The following ATP5MC2 variants were observed in gnomAD, a reference collection of about 807,000 sequenced individuals.
The protein encoded by ATP5MC2 is ATP synthase F(0) complex subunit C2, mitochondrial.
A neutral mutation model predicts 13.5 loss-of-function variants in ATP5MC2; 11 were observed. That is an observed-to-expected ratio of 0.81 (90% confidence interval 0.51 to 1.35). The LOEUF is 1.35. ATP5MC2 is among the 40% of genes most tolerant of loss of function. ATP5MC2 has a pLI of 0.00. For missense variants in ATP5MC2, 132 were observed against 175.0 expected, an observed-to-expected ratio of 0.75 and a Z score of 1.39; for synonymous variants, 64 against 69.7, an observed-to-expected ratio of 0.92 and a Z score of 0.41.
intron 3 of ATP5MC2, 111 bp downstream of exon 3, chr12:53,669,760 T>A: frequency 8.5e-7 from 1 of 1,173,204 alleles, no homozygotes; most frequent in Admixed American, 1.9e-5. Flanking sequence ...TGGCCATTCA[T>A]GAATTTTAGC....
intron 4 of ATP5MC2, 112 bp downstream of exon 4, chr12:53,669,036 C>CA (rs1945014268): frequency 1.5e-6 from 2 of 1,360,716 alleles, no homozygotes; most frequent in Non-Finnish European, 9.6e-7. Flanking sequence ...AACAAACAAA[C>CA]AACATGTAGC....
intron 2 of ATP5MC2, among the ~76,000 whole-genome samples, chr12:53,672,348 AG>A (rs1206773927): frequency 2.6e-5 from 4 of 152,006 alleles, no homozygotes; most frequent in African/African-American, 9.7e-5. Flanking sequence ...CAGCCTCCTG[AG>A]TAGCTGGGAT....
chr12:53,676,346 G>GCGGACTGCGGTTTGGTCTGTACCT, upstream of ATP5MC2: 1 of 1,157,344 alleles, frequency 8.6e-7, no homozygotes, highest in Non-Finnish European at 1.2e-6. Context: ...GGTCTGTACC[G>GCGGACTGCGGTTTGGTCTGTACCT]CGTTTGGGAT....
intron 2 of ATP5MC2, among the ~76,000 whole-genome samples, chr12:53,670,573 T>C (rs924501265): frequency 6.6e-6 from 1 of 152,114 alleles, no homozygotes; most frequent in Non-Finnish European, 1.5e-5. Flanking sequence ...CATTGCTAGC[T>C]TGGGAAAAGA....
chr12:53,667,991 AT>A (rs1944981158), intron 4 of ATP5MC2, among the ~76,000 whole-genome samples: 1 of 84,580 alleles, frequency 1.2e-5, no homozygotes. Context: ...ATATATATAT[AT>A]ATAAATTTTT....
At chr12:53,677,736 A>G (rs1945311497), upstream of ATP5MC2, among the ~76,000 whole-genome samples, 2 of 152,216 alleles carry the variant, frequency 1.3e-5, no homozygotes, top group Admixed American at 1.3e-4. Context: ...TACGTGGGAA[A>G]TGGAACTGGG....
At chr12:53,673,105 G>A (rs1945150637) in intron 1 of ATP5MC2, 1 of 155,564 alleles carries the variant, frequency 6.4e-6, no homozygotes, top group Admixed American at 6.4e-5. Context: ...CGGATCACGA[G>A]GTCAGGAGTT....
At chr12:53,674,299 A>G (rs1945201198) in intron 1 of ATP5MC2, among the ~76,000 whole-genome samples, 1 of 152,254 alleles carries the variant, frequency 6.6e-6, no homozygotes, top group South Asian at 2.1e-4. Flanking sequence ...AGCTATGATC[A>G]CGCCAGTTGT....
chr12:53,672,509 G>A, intron 2 of ATP5MC2, 67 bp downstream of exon 2: 1 of 1,468,982 alleles, frequency 6.8e-7, no homozygotes, highest in South Asian at 1.2e-5. Flanking sequence ...TGAAGAACAA[G>A]GTCTGATGGA....
intron 2 of ATP5MC2, chr12:53,670,392 G>T: frequency 3.0e-6 from 1 of 329,710 alleles, no homozygotes; most frequent in Non-Finnish European, 5.9e-6. Flanking sequence ...ACCATAGTCT[G>T]GCCTTCAATG....
chr12:53,669,018 A>C, intron 4 of ATP5MC2, 130 bp downstream of exon 4: 2 of 1,159,624 alleles, frequency 1.7e-6, no homozygotes, highest in Non-Finnish European at 2.2e-6. Context: ...ACTGTCTCAA[A>C]ACAAACAAAC....
intron 4 of ATP5MC2, 26 bp from the exon 5 acceptor site, chr12:53,665,454 T>G: frequency 3.2e-6 from 5 of 1,551,104 alleles, no homozygotes; most frequent in Non-Finnish European, 4.5e-6. Context: ...GAGAAAAGAC[T>G]GAATTTCTAG....
upstream of ATP5MC2, among the ~76,000 whole-genome samples, chr12:53,679,014 G>A (rs1057471715): frequency 4.6e-5 from 7 of 152,170 alleles, no homozygotes; most frequent in South Asian, 2.1e-4. Context: ...GGGGGCCACA[G>A]ACTCATTTTA....
chr12:53,667,952 C>CAT (rs71068162), intron 4 of ATP5MC2, among the ~76,000 whole-genome samples: 13,180 of 109,386 alleles, frequency 0.12, 1,539 homozygotes, highest in East Asian at 0.37. Flanking sequence ...CATACATACA[C>CAT]ACACATATAT....
Position 53,676,043 on chromosome 12 carries a change from A to C in ATP5MC2, c.-32+10T>G. ...CAGCGCACAGAGGGCTCTAGGTCCC[A>C]AGGCCTTACCTGCTCCCACTGCAGA... On this transcript the variant is annotated intron_variant, in intron 1 of 4. Coordinates refer to ENST00000394349, the MANE Select transcript of ATP5MC2 (RefSeq NM_005176.7). 1 of 1,613,176 alleles carries C rather than the reference A, an allele frequency of 6.2e-7. No homozygotes were observed. Among genetic ancestry groups the C allele is most frequent in the South Asian group, 1.1e-5 (1 of 91,020 alleles).
chr12:53,675,003 A>T (rs1945222926), intron 1 of ATP5MC2, among the ~76,000 whole-genome samples: 1 of 152,196 alleles, frequency 6.6e-6, no homozygotes, highest in South Asian at 2.1e-4. Flanking sequence ...AACATACATA[A>T]AGAGTTTAAT....
At chr12:53,681,077 C>T (rs60937347), upstream of ATP5MC2, among the ~76,000 whole-genome samples, 5 of 151,392 alleles carry the variant, frequency 3.3e-5, no homozygotes, top group South Asian at 4.2e-4. Context: ...TGGCTAATTT[C>T]GTATTTTTAG....
chr12:53,672,285 G>A (rs534756444), intron 2 of ATP5MC2, among the ~76,000 whole-genome samples: 13 of 152,076 alleles, frequency 8.5e-5, no homozygotes, highest in South Asian at 2.1e-4. Flanking sequence ...GCAGTGGTGC[G>A]ATCTTGGCTC....
Position 53,676,065 on chromosome 12 carries a change from CAG to C in ATP5MC2, c.-46_-45del, listed in dbSNP as rs909717208. 1 of 1,613,886 alleles carries C rather than the reference CAG, an allele frequency of 6.2e-7. No homozygotes were observed. Among genetic ancestry groups the C allele is most frequent in the African/African-American group, 1.3e-5 (1 of 74,936 alleles). On this transcript the variant is annotated 5_prime_UTR_variant, in exon 1 of 5. Transcript: ENST00000394349. Reference sequence around the variant, plus strand: ...CCCAAGGCCTTACCTGCTCCCACTGCAGAGAAGACAGAGAGGGGCGGAGCAGC... The same window carrying C: ...CCCAAGGCCTTACCTGCTCCCACTGCAGAAGACAGAGAGGGGCGGAGCAGC...
Sources: allele counts gnomAD v4.1 joint callset (sites outside exome capture counted in the v4.1 genomes callset), GRCh38; gene constraint gnomAD v4.1.1; transcripts MANE v1.5; gene names NCBI Gene and HGNC (gene_info 2026-07-23, HGNC 2026-07-21).